Variants in TACC1 observed in about 807,000 individuals in gnomAD.
TACC1 encodes transforming acidic coiled-coil containing protein 1, also known as transforming acidic coiled-coil-containing protein 1.
TACC1 carries 48 observed loss-of-function variants against 84.4 expected under a neutral mutation model. The ratio of observed to expected loss-of-function variants is 0.57; its 90% CI spans 0.45 to 0.72. The LOEUF (loss-of-function observed/expected upper bound fraction) is 0.72. Ranked by LOEUF, TACC1 falls within the 30% of genes least tolerant of loss-of-function variation. The probability of loss-of-function intolerance (pLI) is 0.00; values close to 1 mark genes in which losing one functional copy is unlikely to be tolerated. For missense variants in TACC1, 920 were observed against 973.0 expected, an observed-to-expected ratio of 0.95 and a Z score of 0.72; for synonymous variants, 372 against 376.3, an observed-to-expected ratio of 0.99 and a Z score of 0.13.
intron 3 of TACC1, among the ~76,000 whole-genome samples, chr8:38,781,011 T>C (rs1815837438): frequency 6.6e-6 from 1 of 152,190 alleles, no homozygotes; most frequent in Admixed American, 6.5e-5. Context: ...AGGAATTAAG[T>C]TGGAGTTGGT....
intron 9 of TACC1, among the ~76,000 whole-genome samples, chr8:38,841,018 C>T (rs1270274214): frequency 6.6e-6 from 1 of 152,136 alleles, no homozygotes; most frequent in African/African-American, 2.4e-5. Context: ...CACTGCACTC[C>T]AGCCTGGGCA....
chr8:38,761,911 A>G (rs1811280569), intron 3 of TACC1, among the ~76,000 whole-genome samples: 1 of 152,220 alleles, frequency 6.6e-6, no homozygotes, highest in African/African-American at 2.4e-5. Flanking sequence ...ATGTGGAAAT[A>G]TGTAATTTTT....
chr8:38,745,520 G>GT (rs746856593), intron 3 of TACC1: 97 of 680,724 alleles, frequency 1.4e-4, no homozygotes, highest in South Asian at 2.5e-4. Flanking sequence ...TTGTTTTCTT[G>GT]TTTTTTTTCT....
chr8:38,783,090 CTATCTATCTATCTATCTA>C (rs1475555130), upstream of TACC1, among the ~76,000 whole-genome samples: 4 of 111,902 alleles, frequency 3.6e-5, no homozygotes, highest in African/African-American at 9.1e-5. Context: ...ATCTATCTAT[CTATCTATCTATCTATCTA>C]TATATATATA....
At chr8:38,793,676 C>T (rs1224961165) in intron 2 of TACC1, among the ~76,000 whole-genome samples, 3 of 151,968 alleles carry the variant, frequency 2.0e-5, no homozygotes, top group Non-Finnish European at 4.4e-5. Context: ...CTCCAGGGCT[C>T]AAGTAAGTGA....
intron 4 of TACC1, 140 bp downstream of exon 4, chr8:38,825,508 C>G (rs540174854): frequency 1.3e-6 from 1 of 776,472 alleles, no homozygotes; most frequent in African/African-American, 1.7e-5. Flanking sequence ...TTTCCAGATC[C>G]TTACTGTCCC....
chr8:38,765,039 C>T (rs1020427980), intron 3 of TACC1, among the ~76,000 whole-genome samples: 5 of 151,152 alleles, frequency 3.3e-5, no homozygotes, highest in Non-Finnish European at 5.9e-5. Context: ...ATGGAGGTTG[C>T]AGTAAGCCGA....
intron 2 of TACC1, among the ~76,000 whole-genome samples, chr8:38,792,760 T>C (rs941244143): frequency 1.3e-5 from 2 of 152,140 alleles, no homozygotes; most frequent in Non-Finnish European, 2.9e-5. Flanking sequence ...CCACCACGCC[T>C]GGCCAGTTTT....
At chr8:38,754,476 C>T (rs1409011458) in intron 3 of TACC1, among the ~76,000 whole-genome samples, 7 of 152,192 alleles carry the variant, frequency 4.6e-5, no homozygotes, top group South Asian at 2.1e-4. Flanking sequence ...TGAAGGGAAC[C>T]GCAGCTCTGA....
At chr8:38,805,002 G>A (rs1158181899) in intron 2 of TACC1, among the ~76,000 whole-genome samples, 2 of 152,154 alleles carry the variant, frequency 1.3e-5, no homozygotes, top group Non-Finnish European at 2.9e-5. Flanking sequence ...AGTGATTTTT[G>A]GACCTATTTC....
upstream of TACC1, chr8:38,785,831 A>C: frequency 2.0e-6 from 1 of 491,176 alleles, no homozygotes; most frequent in Non-Finnish European, 2.6e-6. Context: ...AGTCGCTAGA[A>C]CACTCATGAC....
chr8:38,736,748 T>C (rs1419918198), intron 1 of TACC1, among the ~76,000 whole-genome samples: 1 of 152,230 alleles, frequency 6.6e-6, no homozygotes, highest in African/African-American at 2.4e-5. Flanking sequence ...ACATCTCTAA[T>C]GGCACACATT....
intron 3 of TACC1, among the ~76,000 whole-genome samples, chr8:38,769,032 G>T: frequency 6.7e-6 from 1 of 149,874 alleles, no homozygotes; most frequent in East Asian, 2.0e-4. Context: ...GGCTGTGGGG[G>T]TGGAGGTGTA....
Position 38,745,451 on chromosome 8 carries a change from T to A in TACC1, c.-17T>A, listed in dbSNP as rs1284209259. 8.9e-6 allele frequency: 6 copies of A among 674,736 alleles called. No homozygotes were observed. In the South Asian group the frequency reaches 9.6e-5, roughly 11 times the overall value. The allele number at this position is 674,736 out of a possible 1,614,324, so 41.8% of individuals were successfully genotyped here. On this transcript the variant is annotated 5_prime_UTR_variant, in exon 3 of 15. Coordinates refer to the TACC1 transcript ENST00000518415. ...AACGTAGTCTTAAGAGAAAAGTCAA[T>A]CAAATCTGACCTGGAGATGAATAAT...
upstream of TACC1, among the ~76,000 whole-genome samples, chr8:38,786,578 G>A (rs117620425): frequency 2.8e-3 from 428 of 152,172 alleles, 3 homozygotes; most frequent in Non-Finnish European, 3.6e-3. Context: ...AACCCATCAG[G>A]CTGTAATCTC....
At chr8:38,822,116 A>G (rs1335442923) in intron 3 of TACC1, among the ~76,000 whole-genome samples, 2 of 151,890 alleles carry the variant, frequency 1.3e-5, no homozygotes, top group South Asian at 2.1e-4. Context: ...GTGGTGGTGC[A>G]TGCCTGTAGA....
rs1344504454 is a variant in TACC1, at chr8:38,849,513, A to G, written c.*1490A>G. On this transcript the variant is annotated 3_prime_UTR_variant, in exon 13 of 13. Coordinates refer to ENST00000317827, the MANE Select transcript of TACC1 (RefSeq NM_006283.3). ...ATATTCAGTATACGTATGTTTTCCT[A>G]CTTCTCTTGTAAAACTGTTGCATGA... is the stretch of plus-strand genomic sequence containing the variant. 8 of 152,228 alleles carry G rather than the reference A, an allele frequency of 5.3e-5. No homozygotes were observed. Among genetic ancestry groups the G allele is most frequent in the Admixed American group, 5.2e-4 (8 of 15,284 alleles). The allele number at this position is 152,228 out of a possible 1,614,324, so 9.4% of individuals were successfully genotyped here. A position where few individuals can be genotyped will look rare whatever the true frequency, so the allele number is the denominator to read the frequency against.
In TACC1 at chr8:38,759,599, T is replaced by C. The variant is rs113046055; in HGVS notation, c.26+14106T>C. Among the ~76,000 whole-genome samples, 362 of 152,356 alleles carry C rather than the reference T, an allele frequency of 2.4e-3. 2 individuals carry two copies. The highest frequency in any genetic ancestry group is 8.5e-3 in the African/African-American group (353 of 41,578). On this transcript the variant is annotated intron_variant, in intron 3 of 14. Coordinates refer to the TACC1 transcript ENST00000518415. ...CCTTGAATATTTTACAATGCTTGCC[T>C]AAAAGCAATCAACATGAAAGCCCAT... is the stretch of plus-strand genomic sequence containing the variant.
chr8:38,772,848 T>A (rs1384794996), intron 3 of TACC1, among the ~76,000 whole-genome samples: 1 of 151,988 alleles, frequency 6.6e-6, no homozygotes, highest in Non-Finnish European at 1.5e-5. Context: ...TATCAATAAA[T>A]TTTATGTATT....
Sources: allele counts gnomAD v4.1 joint callset (sites outside exome capture counted in the v4.1 genomes callset), GRCh38; gene constraint gnomAD v4.1.1; transcripts MANE v1.5; gene names NCBI Gene and HGNC (gene_info 2026-07-23, HGNC 2026-07-21).